The following SLA variants were observed in gnomAD, a reference collection of about 807,000 sequenced individuals.
The protein encoded by SLA is Src like adaptor.
A neutral mutation model predicts 30.3 loss-of-function variants in SLA; 16 were observed. The ratio of observed to expected loss-of-function variants is 0.53; its 90% CI spans 0.36 to 0.80. The LOEUF (loss-of-function observed/expected upper bound fraction) is 0.80, where lower values mean the gene tolerates loss of function less well. Among genes scored for constraint, SLA ranks in the 30% least tolerant of loss-of-function variants. SLA has a pLI of 0.01. For synonymous variants in SLA, 143 were observed against 137.8 expected (o/e 1.04, Z -0.26); for missense variants, 310 against 345.2 (o/e 0.90, Z 0.81).
chr8:133,061,337 G>A (rs1439830642), intron 2 of SLA, among the ~76,000 whole-genome samples: 1 of 152,146 alleles, frequency 6.6e-6, no homozygotes, highest in African/African-American at 2.4e-5. Context: ...TGACTGTTTT[G>A]GGGAACACTA....
At chr8:133,081,077 A>C (rs1437666398) in intron 1 of SLA, among the ~76,000 whole-genome samples, 2 of 152,272 alleles carry the variant, frequency 1.3e-5, no homozygotes, top group Non-Finnish European at 2.9e-5. Flanking sequence ...GATGTTACTA[A>C]TACTACTTTA....
Position 133,060,079 on chromosome 8 carries a change from C to T in SLA, c.61+21G>A, listed in dbSNP as rs767746257. 1.0e-5 allele frequency: 16 copies of T among 1,573,542 alleles called. No homozygotes were observed. In the South Asian group the frequency reaches 1.9e-4, roughly 19 times the overall value. On this transcript the variant is annotated intron_variant, in intron 3 of 8. Coordinates refer to ENST00000338087, the MANE Select transcript of SLA (RefSeq NM_001045556.3). ...TCTTGTAGCACAGACTCAAGCATCT[C>T]ACCAGAGAAGCCAGACTTACCCTCC...
At chr8:133,044,882 C>T in intron 7 of SLA, 102 bp downstream of exon 7, 2 of 1,136,742 alleles carry the variant, frequency 1.8e-6, no homozygotes. Flanking sequence ...GCAGCATAGG[C>T]AGTAAGCAAG....
At chr8:133,041,327 G>T (rs1182616393) in intron 7 of SLA, among the ~76,000 whole-genome samples, 1 of 152,248 alleles carries the variant, frequency 6.6e-6, no homozygotes, top group Non-Finnish European at 1.5e-5. Context: ...AAAGGAATTT[G>T]TAGCAGAAGA....
chr8:133,098,614 GAA>G (rs1174260298), intron 1 of SLA, among the ~76,000 whole-genome samples: 1 of 152,200 alleles, frequency 6.6e-6, no homozygotes, highest in Non-Finnish European at 1.5e-5. Context: ...TTCGACTTTT[GAA>G]AGAGAGGAAG....
At chr8:133,082,131 G>A (rs73708836) in intron 1 of SLA, among the ~76,000 whole-genome samples, 7,005 of 152,214 alleles carry the variant, frequency 0.046, 512 homozygotes, top group African/African-American at 0.16. Flanking sequence ...TAGGGTGTAC[G>A]GTGCTGGTGT....
rs1439835951 is a variant in SLA at position 133,102,577 on chromosome 8, G to A, written c.-343C>T. On this transcript the variant is annotated 5_prime_UTR_variant, in exon 1 of 9. Coordinates refer to ENST00000338087, the MANE Select transcript of SLA (RefSeq NM_001045556.3). Reference sequence around the variant, plus strand: ...CCGGTGGAGCATCAGGGCTGCCTGAGATGTTCTCCATTCGCAGCAAATGAT... The same window carrying A: ...CCGGTGGAGCATCAGGGCTGCCTGAAATGTTCTCCATTCGCAGCAAATGAT... 1 of 1,551,372 alleles carries A rather than the reference G, an allele frequency of 6.4e-7. No individual in the cohort carries two copies. Among genetic ancestry groups the A allele is most frequent in the Non-Finnish European group, 8.7e-7 (1 of 1,146,782 alleles).
chr8:133,083,175 A>C (rs753746739), intron 1 of SLA, among the ~76,000 whole-genome samples: 1 of 152,240 alleles, frequency 6.6e-6, no homozygotes. Flanking sequence ...CCTGTAAAGC[A>C]TGGTACAGAT....
At chr8:133,096,125 T>C in intron 1 of SLA, 3 of 1,535,068 alleles carry the variant, frequency 2.0e-6, no homozygotes, top group Non-Finnish European at 2.7e-6. Context: ...GTATTGGCAT[T>C]CAGTATGGTT....
chr8:133,056,575 G>C (rs191611625), intron 3 of SLA, among the ~76,000 whole-genome samples: 29 of 152,188 alleles, frequency 1.9e-4, no homozygotes, highest in African/African-American at 7.0e-4. Context: ...AATCCCAGCT[G>C]TCTCCTCTGA....
intron 1 of SLA, chr8:133,076,759 T>TAAAAAAAAAAA (rs35056813): frequency 7.8e-6 from 1 of 128,464 alleles, no homozygotes; most frequent in African/African-American, 3.0e-5. Flanking sequence ...GATTTAGCTG[T>TAAAAAAAAAAA]AAAAAAAAAA....
chr8:133,043,221 C>G (rs1213954031), intron 7 of SLA, among the ~76,000 whole-genome samples: 3 of 152,114 alleles, frequency 2.0e-5, no homozygotes, highest in African/African-American at 7.2e-5. Flanking sequence ...CAAGCAGCGG[C>G]AGTTAGATTT....
intron 1 of SLA, among the ~76,000 whole-genome samples, chr8:133,090,878 C>T (rs1031006466): frequency 3.3e-5 from 5 of 152,108 alleles, no homozygotes; most frequent in Non-Finnish European, 5.9e-5. Context: ...CCCCGCACCC[C>T]CCGGGAACAG....
At chr8:133,096,150 C>A (rs1588084098) in intron 1 of SLA, 3 of 1,596,782 alleles carry the variant, frequency 1.9e-6, no homozygotes, top group East Asian at 4.5e-5. Context: ...CCTCTTTATG[C>A]AAAGCAGTGC....
intron 1 of SLA, chr8:133,096,398 G>A (rs774593998): frequency 4.3e-6 from 7 of 1,613,830 alleles, no homozygotes; most frequent in Admixed American, 1.7e-5. Flanking sequence ...GGCCTCGGAT[G>A]TCTCCAGCTG....
intron 1 of SLA, among the ~76,000 whole-genome samples, chr8:133,081,390 A>G (rs1170684196): frequency 6.6e-6 from 1 of 152,250 alleles, no homozygotes; most frequent in Non-Finnish European, 1.5e-5. Context: ...TAAGCTAACT[A>G]TGAAAACCAT....
chr8:133,041,157 T>G (rs919825836), intron 7 of SLA, among the ~76,000 whole-genome samples: 1 of 152,158 alleles, frequency 6.6e-6, no homozygotes, highest in Non-Finnish European at 1.5e-5. Context: ...GATGATGTGG[T>G]CAAGGGGGTG....
intron 2 of SLA, among the ~76,000 whole-genome samples, chr8:133,069,400 A>G (rs1459193278): frequency 6.6e-6 from 1 of 152,152 alleles, no homozygotes; most frequent in East Asian, 1.9e-4. Flanking sequence ...GGACCCCAGA[A>G]CCCCACACTC....
intron 3 of SLA, among the ~76,000 whole-genome samples, chr8:133,054,780 G>A (rs1029479326): frequency 2.6e-5 from 4 of 152,162 alleles, no homozygotes; most frequent in Non-Finnish European, 4.4e-5. Context: ...GTACAAAAGC[G>A]TAAAATAGGA....
Sources: allele counts gnomAD v4.1 joint callset (sites outside exome capture counted in the v4.1 genomes callset), GRCh38; gene constraint gnomAD v4.1.1; transcripts MANE v1.5; gene names NCBI Gene and HGNC (gene_info 2026-07-23, HGNC 2026-07-21).